Variants in NID1 observed in about 807,000 individuals in gnomAD.
NID1 encodes the protein nidogen 1.
Under a neutral mutation model 130.6 loss-of-function variants are expected in NID1, and 76 were observed. That is an observed-to-expected ratio of 0.58 (90% CI 0.48 to 0.70). The LOEUF (loss-of-function observed/expected upper bound fraction) is 0.70. Ranked by LOEUF, NID1 falls within the 30% of genes least tolerant of loss-of-function variation. The pLI, the probability that NID1 is intolerant of heterozygous loss-of-function variation, is 0.00. For synonymous variants in NID1, 665 were observed against 675.1 expected (o/e 0.98, Z 0.23); for missense variants, 1,517 against 1,664.8 (o/e 0.91, Z 1.54).
At chr1:236,007,320 A>G (rs1033858716) in intron 12 of NID1, among the ~76,000 whole-genome samples, 3 of 152,104 alleles carry the variant, frequency 2.0e-5, no homozygotes, top group African/African-American at 7.2e-5. Flanking sequence ...ATCCTCTAAT[A>G]AACTCCCCTA....
In NID1 at chr1:236,048,728, A is replaced by AG. The variant is rs779190747; in HGVS notation, c.486dup (p.Tyr163LeufsTer25). ...TCTGGGTCCCTGCTGGGCCCTTGGT[A>AG]GGGGGCCACGGATTCCCAAGTGACA... On this transcript the variant is annotated frameshift_variant, in exon 2 of 20. Coordinates refer to ENST00000264187, the MANE Select transcript of NID1 (RefSeq NM_002508.3). LOFTEE classifies it high-confidence loss of function. 1.2e-6 allele frequency: 2 copies of AG among 1,612,484 alleles called. No individual in the cohort carries two copies. The highest frequency in any genetic ancestry group is 1.3e-5 in the African/African-American group (1 of 74,970).
At position 236,017,852 on chromosome 1, in the gene NID1, A is replaced by C. The variant is rs577722264; in HGVS notation, c.2129-579T>G. On this transcript the variant is annotated intron_variant, in intron 9 of 19. Transcript: ENST00000264187. ...CCCCTGAACACGAGTCTTTCCCATT[A>C]GATTGCCAAATACATGTTACAAGGA... Among the ~76,000 whole-genome samples, 56 of 152,282 alleles carry C rather than the reference A, an allele frequency of 3.7e-4. No homozygotes were observed. The South Asian group carries it at 0.011, about 31-fold the overall frequency.
At chr1:235,987,491 TA>T (rs1166503756) in intron 14 of NID1, among the ~76,000 whole-genome samples, 1 of 152,156 alleles carries the variant, frequency 6.6e-6, no homozygotes, top group Non-Finnish European at 1.5e-5. Context: ...TACTTCAAAA[TA>T]AAAACTTAAA....
At chr1:236,002,335 TCTA>T (rs1195121868) in intron 12 of NID1, among the ~76,000 whole-genome samples, 1 of 152,088 alleles carries the variant, frequency 6.6e-6, no homozygotes, top group Non-Finnish European at 1.5e-5. Flanking sequence ...AAACCCCGTA[TCTA>T]CTAAAAACAC....
At chr1:236,021,154 G>A (rs551747461) in intron 9 of NID1, among the ~76,000 whole-genome samples, 42 of 152,270 alleles carry the variant, frequency 2.8e-4, no homozygotes, top group East Asian at 1.5e-3. Flanking sequence ...CATGCCAGCC[G>A]TCTCACAGCC....
intron 5 of NID1, among the ~76,000 whole-genome samples, chr1:236,035,239 C>T (rs1276576727): frequency 3.8e-5 from 4 of 106,068 alleles, no homozygotes; most frequent in African/African-American, 8.0e-5. Flanking sequence ...TGAGAATATG[C>T]GGTGTTTGGT....
At chr1:236,008,386 CAGTA>C (rs534878512) in intron 12 of NID1, among the ~76,000 whole-genome samples, 1 of 152,210 alleles carries the variant, frequency 6.6e-6, no homozygotes, top group South Asian at 2.1e-4. Flanking sequence ...CTTCTGTATA[CAGTA>C]AGTACCAAAT....
intron 12 of NID1, among the ~76,000 whole-genome samples, chr1:235,999,875 G>T (rs1378151678): frequency 6.6e-6 from 1 of 152,160 alleles, no homozygotes; most frequent in Admixed American, 6.5e-5. Flanking sequence ...GGAAGGGGAG[G>T]GTTGGCCACG....
chr1:236,003,806 G>A (rs976210670), intron 12 of NID1, among the ~76,000 whole-genome samples: 1 of 152,064 alleles, frequency 6.6e-6, no homozygotes. Context: ...GGAGGTGGAG[G>A]CTGCAGTGAG....
At chr1:236,008,689 G>A (rs1336536695) in intron 12 of NID1, among the ~76,000 whole-genome samples, 5 of 146,680 alleles carry the variant, frequency 3.4e-5, no homozygotes, top group Admixed American at 6.8e-5. Flanking sequence ...TTTTTGAGAC[G>A]GGATTTTGCT....
At chr1:236,041,837 C>A in intron 4 of NID1, 73 bp downstream of exon 4, 1 of 1,519,632 alleles carries the variant, frequency 6.6e-7, no homozygotes, top group Non-Finnish European at 8.9e-7. Flanking sequence ...CAACTGACAT[C>A]TCCCCAGCAG....
intron 13 of NID1, among the ~76,000 whole-genome samples, chr1:235,993,202 G>A (rs889809437): frequency 2.0e-5 from 3 of 152,316 alleles, no homozygotes; most frequent in Middle Eastern, 3.4e-3. Context: ...AGGCCCTACT[G>A]CCTAGGGCAC....
chr1:236,010,284 T>C (rs1400947568), intron 12 of NID1, among the ~76,000 whole-genome samples: 1 of 150,586 alleles, frequency 6.6e-6, no homozygotes, highest in Non-Finnish European at 1.5e-5. Flanking sequence ...AGAGCCCACA[T>C]AGTAGGCTAT....
chr1:235,976,432 T>C lies in NID1; in HGVS notation c.*1435A>G, dbSNP rs904973902. Reference sequence around the variant, plus strand: ...TTACTTATTGCTGTTCTTAAATTCCTTCCCCTACCACTTCCTCTTGGGCTT... The same window carrying C: ...TTACTTATTGCTGTTCTTAAATTCCCTCCCCTACCACTTCCTCTTGGGCTT... On this transcript the variant is annotated 3_prime_UTR_variant, in exon 20 of 20. Coordinates refer to ENST00000264187, the MANE Select transcript of NID1 (RefSeq NM_002508.3). 1.3e-5 allele frequency: 2 copies of C among 152,258 alleles called. No homozygotes were observed. The highest frequency in any genetic ancestry group is 2.9e-5 in the Non-Finnish European group (2 of 68,050). 9.4% of individuals were successfully genotyped at this position (152,258 alleles called of 1,614,324 possible). A position where few individuals can be genotyped will look rare whatever the true frequency, so the allele number is the denominator to read the frequency against.
rs1029476440 is a variant in NID1 at position 236,012,190 on chromosome 1, C to T, written c.2405-147G>A. On this transcript the variant is annotated intron_variant, in intron 11 of 19. Transcript: ENST00000264187. ...CCAAAACTCACTAAACATTAACTAT[C>T]AAGTCACTAACTCCCCAATATCTAT... is the stretch of plus-strand genomic sequence containing the variant. 5.5e-6 allele frequency: 5 copies of T among 903,362 alleles called. No individual in the cohort carries two copies. In the Admixed American group the frequency reaches 7.4e-5, roughly 13 times the overall value. 56.0% of individuals were successfully genotyped at this position (903,362 alleles called of 1,614,324 possible). A position where few individuals can be genotyped will look rare whatever the true frequency, so the allele number is the denominator to read the frequency against.
intron 9 of NID1, among the ~76,000 whole-genome samples, chr1:236,018,514 G>C (rs1403506744): frequency 1.3e-5 from 2 of 152,228 alleles, no homozygotes; most frequent in African/African-American, 4.8e-5. Context: ...GCTACCACTT[G>C]TGTAAGGCTG....
At chr1:236,030,921 G>A (rs1383073272) in intron 6 of NID1, among the ~76,000 whole-genome samples, 1 of 152,138 alleles carries the variant, frequency 6.6e-6, no homozygotes, top group Non-Finnish European at 1.5e-5. Flanking sequence ...ACTGTGAAAA[G>A]CTGTGCAGGG....
At position 235,978,998 on chromosome 1, in the gene NID1, G is replaced by A; in HGVS notation, c.3619C>T (p.Gln1207Ter). The A allele has an allele frequency of 6.2e-7, 1 of 1,609,226 alleles. No homozygotes were observed. Among genetic ancestry groups the A allele is most frequent in the Non-Finnish European group, 8.5e-7 (1 of 1,175,584 alleles). Reference sequence around the variant, plus strand: ...AGTAACAGCACAGGAGAGTTACCTTGCGGACACTGAGACAGGGCCGTGGTG... The same window carrying A: ...AGTAACAGCACAGGAGAGTTACCTTACGGACACTGAGACAGGGCCGTGGTG... ...GITTALSQCP[Q>*]GHNYCSVNNG... Residue 1207 changes from glutamine (Q) to a stop codon, truncating the protein, a stop_gained, in exon 19 of 20, where the codon CAA becomes TAA. Coordinates refer to ENST00000264187, the MANE Select transcript of NID1 (RefSeq NM_002508.3). LOFTEE classifies it high-confidence loss of function.
chr1:236,064,066 C>G (rs1214681787), intron 1 of NID1, among the ~76,000 whole-genome samples: 3 of 152,184 alleles, frequency 2.0e-5, no homozygotes, highest in African/African-American at 7.2e-5. Flanking sequence ...ACCCCCCACA[C>G]TTCTGGAATG....
Sources: allele counts gnomAD v4.1 joint callset (sites outside exome capture counted in the v4.1 genomes callset), GRCh38; gene constraint gnomAD v4.1.1; transcripts MANE v1.5; gene names NCBI Gene and HGNC (gene_info 2026-07-23, HGNC 2026-07-21).